DSCAML1: variants seen among roughly 807,000 people sequenced by gnomAD.
DSCAML1 encodes the protein DS cell adhesion molecule like 1.
DSCAML1 carries 38 observed loss-of-function variants against 200.5 expected under a neutral mutation model. That is an observed-to-expected ratio of 0.19 (90% confidence interval 0.15 to 0.25). DSCAML1 has a LOEUF of 0.25. DSCAML1 is among the 10% of genes least tolerant of loss of function. DSCAML1 has a pLI of 1.00. For missense variants in DSCAML1, 2,223 were observed against 2,858.8 expected (o/e 0.78, Z 5.07); for synonymous variants, 1,215 against 1,165.0 (o/e 1.04, Z -0.87).
At chr11:117,428,952 G>A in intron 32 of DSCAML1, 149 bp from the exon 33 acceptor site, 2 of 683,134 alleles carry the variant, frequency 2.9e-6, no homozygotes, top group Non-Finnish European at 4.9e-6. Flanking sequence ...GTAGCGGAAA[G>A]GTCGGGTACT....
intron 3 of DSCAML1, among the ~76,000 whole-genome samples, chr11:117,538,229 T>C (rs2050202984): frequency 6.6e-6 from 1 of 152,226 alleles, no homozygotes; most frequent in Non-Finnish European, 1.5e-5. Flanking sequence ...TTCACACTCA[T>C]TGACAATTTG....
chr11:117,615,164 T>A (rs1464954083), intron 3 of DSCAML1, among the ~76,000 whole-genome samples: 2 of 152,162 alleles, frequency 1.3e-5, no homozygotes, highest in Non-Finnish European at 2.9e-5. Flanking sequence ...AGTTTTCCCA[T>A]CTGGAGAATG....
chr11:117,559,764 C>T (rs10892137), intron 3 of DSCAML1, among the ~76,000 whole-genome samples: 51,713 of 151,926 alleles, frequency 0.34, 8,978 homozygotes, highest in East Asian at 0.4. Flanking sequence ...AGAGCTCCCA[C>T]TGGAGAAGGA....
Position 117,428,614 on chromosome 11 carries a change from C to G in DSCAML1, c.5876G>C (p.Gly1959Ala). Residue 1959 changes from glycine to alanine, a missense_variant, in exon 33 of 33, where the codon GGG (glycine) becomes GCG (alanine). This residue lies in a region of DSCAML1 where 280 missense variants were observed against 213.4 expected (regional missense o/e 1.31). Transcript: ENST00000651296. ...GGCTGTGGAGGCGGCAGCGGGGGCC[C>G]CTGGGTGGGGAAGGCCCAAGGACTT... ...ASKSLGLPHP[G>A]APAAASTATL... is the part of the protein sequence containing the mutation. 1 of 1,608,114 alleles carries G rather than the reference C, an allele frequency of 6.2e-7. No homozygotes were observed. Among genetic ancestry groups the G allele is most frequent in the Non-Finnish European group, 8.5e-7 (1 of 1,177,724 alleles).
At chr11:117,777,204 C>T (rs920964757) in intron 2 of DSCAML1, among the ~76,000 whole-genome samples, 5 of 152,190 alleles carry the variant, frequency 3.3e-5, no homozygotes, top group Non-Finnish European at 7.3e-5. Context: ...TCTGCAAGAC[C>T]ATCCATCCAA....
At chr11:117,695,328 T>C (rs1307362532) in intron 3 of DSCAML1, among the ~76,000 whole-genome samples, 1 of 149,828 alleles carries the variant, frequency 6.7e-6, no homozygotes, top group Non-Finnish European at 1.5e-5. Flanking sequence ...TTTTTTTTTT[T>C]TTTTTTGCTA....
chr11:117,713,983 G>A (rs575373794), intron 3 of DSCAML1, among the ~76,000 whole-genome samples: 3 of 152,332 alleles, frequency 2.0e-5, no homozygotes, highest in African/African-American at 7.2e-5. Flanking sequence ...CAGAAACCCC[G>A]GGGCCTGACT....
At chr11:117,486,143 C>G (rs606727) in intron 11 of DSCAML1, among the ~76,000 whole-genome samples, 20,760 of 152,260 alleles carry the variant, frequency 0.14, 1,636 homozygotes, top group Admixed American at 0.25. Flanking sequence ...AAGTCATTTT[C>G]TTTTCCATCC....
At chr11:117,508,316 G>A (rs2049545766) in intron 8 of DSCAML1, among the ~76,000 whole-genome samples, 2 of 152,106 alleles carry the variant, frequency 1.3e-5, no homozygotes, top group African/African-American at 4.8e-5. Flanking sequence ...GTATCACATG[G>A]CTGTCGGGGT....
intron 1 of DSCAML1, among the ~76,000 whole-genome samples, chr11:117,808,090 G>A (rs1490551118): frequency 2.0e-5 from 3 of 152,188 alleles, no homozygotes; most frequent in South Asian, 2.1e-4. Context: ...AAAGTGGTGC[G>A]ATTACAGGCG....
chr11:117,758,363 G>T (rs2054734985), intron 3 of DSCAML1, among the ~76,000 whole-genome samples: 1 of 151,104 alleles, frequency 6.6e-6, no homozygotes, highest in South Asian at 2.1e-4. Context: ...AATTTTCAGG[G>T]TTGTAAATAA....
chr11:117,470,665 T>A (rs2048668103), intron 15 of DSCAML1, among the ~76,000 whole-genome samples: 1 of 152,228 alleles, frequency 6.6e-6, no homozygotes, highest in Non-Finnish European at 1.5e-5. Context: ...CATGAACCGG[T>A]ACACTAGCAT....
chr11:117,499,349 C>T (rs2049353628), intron 11 of DSCAML1, among the ~76,000 whole-genome samples: 1 of 152,120 alleles, frequency 6.6e-6, no homozygotes, highest in Non-Finnish European at 1.5e-5. Flanking sequence ...GCTACAGTCA[C>T]AGCTAGTCTG....
rs761928474 is a variant in DSCAML1 at position 117,532,549 on chromosome 11, G to A, written c.512-27C>T. ...TGGAGACACAATCAGGACATAGTTC[G>A]TTACTTCCCGGTTTCGTACAGCCTC... On this transcript the variant is annotated intron_variant, in intron 3 of 32. Transcript: ENST00000651296. 26 of 1,603,788 alleles carry A rather than the reference G, an allele frequency of 1.6e-5. 1 individual carries two copies. Among genetic ancestry groups the A allele is most frequent in the South Asian group, 9.0e-5 (8 of 89,040 alleles).
At position 117,780,227 on chromosome 11, in the gene DSCAML1, GAAAGGAAAGAAAGAAA is replaced by G. The variant is rs1170846352; in HGVS notation, c.364+250_364+265del. ...AAAGAAAGAGAGAGAGAGAAAGAAA[GAAAGGAAAGAAAGAAA>G]GAAAGAAAGAAAGAAAGAAAGAAAG... On this transcript the variant is annotated intron_variant, in intron 2 of 32. Coordinates refer to ENST00000651296, the MANE Select transcript of DSCAML1 (RefSeq NM_020693.4). This position sits in a 1 kb window ranked among gnomAD's most constrained non-coding sequence, Gnocchi z 4.8. Among the ~76,000 whole-genome samples, 3 of 93,318 alleles carry G rather than the reference GAAAGGAAAGAAAGAAA, an allele frequency of 3.2e-5. No homozygotes were observed. The highest frequency in any genetic ancestry group is 1.5e-4 in the African/African-American group (3 of 19,810). 61.2% of individuals were successfully genotyped at this position (93,318 alleles called of 152,430 possible). A position where few individuals can be genotyped will look rare whatever the true frequency, so the allele number is the denominator to read the frequency against.
intron 3 of DSCAML1, among the ~76,000 whole-genome samples, chr11:117,674,870 C>T (rs897069784): frequency 6.6e-6 from 1 of 152,108 alleles, no homozygotes; most frequent in African/African-American, 2.4e-5. Flanking sequence ...TAGAATGGGG[C>T]AAATCCTCCC....
chr11:117,712,915 G>A (rs1475232109), intron 3 of DSCAML1, among the ~76,000 whole-genome samples: 1 of 151,914 alleles, frequency 6.6e-6, no homozygotes, highest in Non-Finnish European at 1.5e-5. Context: ...TCATTCCTCA[G>A]GAAGCCATTT....
At chr11:117,713,151 T>TA (rs1453663201) in intron 3 of DSCAML1, among the ~76,000 whole-genome samples, 1 of 152,138 alleles carries the variant, frequency 6.6e-6, no homozygotes, top group Admixed American at 6.5e-5. Flanking sequence ...GGCTAGAATG[T>TA]AACGGCATGA....
chr11:117,719,636 A>G (rs2054012034), intron 3 of DSCAML1, among the ~76,000 whole-genome samples: 2 of 152,350 alleles, frequency 1.3e-5, no homozygotes, highest in Non-Finnish European at 1.5e-5. Flanking sequence ...TTACAACTCA[A>G]TTATTATACC....
Sources: gnomAD v4.1 joint callset for allele counts (sites outside exome capture counted in the v4.1 genomes callset) on GRCh38, gnomAD v4.1.1 for gene constraint, gnomAD v4.1.1 regional missense constraint, Gnocchi (gnomAD v3.1) non-coding constraint, MANE v1.5 for transcripts, NCBI Gene and HGNC (gene_info 2026-07-23, HGNC 2026-07-21) for gene names.